RIN3: variants seen among roughly 807,000 people sequenced by gnomAD.
The protein encoded by RIN3 is Ras and Rab interactor 3.
Under a neutral mutation model 76.3 loss-of-function variants are expected in RIN3, and 54 were observed. The ratio of observed to expected loss-of-function variants is 0.71; its 90% CI spans 0.57 to 0.89. The LOEUF is 0.89. Ranked by LOEUF, RIN3 falls within the 40% of genes least tolerant of loss-of-function variation. RIN3 has a pLI of 0.00. For synonymous variants in RIN3, 576 were observed against 564.0 expected (o/e 1.02, Z -0.30); for missense variants, 1,256 against 1,322.1 (o/e 0.95, Z 0.78).
chr14:92,680,785 A>G (rs1888636414), intron 8 of RIN3, among the ~76,000 whole-genome samples: 1 of 152,178 alleles, frequency 6.6e-6, no homozygotes, highest in Non-Finnish European at 1.5e-5. Flanking sequence ...GGACCTTCAA[A>G]TTCTCTCAGC....
At chr14:92,552,076 G>T (rs1275468981) in intron 1 of RIN3, among the ~76,000 whole-genome samples, 1 of 152,186 alleles carries the variant, frequency 6.6e-6, no homozygotes, top group African/African-American at 2.4e-5. Flanking sequence ...CTTTGTAGGG[G>T]GTGTCTGGGG....
chr14:92,646,745 GTGTT>G (rs1212441293), intron 5 of RIN3, among the ~76,000 whole-genome samples: 3 of 152,202 alleles, frequency 2.0e-5, no homozygotes, highest in Non-Finnish European at 4.4e-5. Context: ...CCGGCCATGT[GTGTT>G]TGTTTTTAAC....
intron 1 of RIN3, among the ~76,000 whole-genome samples, chr14:92,539,045 AG>A (rs1897074123): frequency 6.6e-6 from 1 of 151,956 alleles, no homozygotes; most frequent in African/African-American, 2.4e-5. Flanking sequence ...AGGTGTGCTC[AG>A]GGCCTGCCCG....
At chr14:92,631,609 G>A (rs1033676281) in intron 4 of RIN3, among the ~76,000 whole-genome samples, 16 of 151,882 alleles carry the variant, frequency 1.1e-4, no homozygotes, top group Middle Eastern at 3.4e-3. Context: ...TTTTGGCGGC[G>A]GCGGGAGTGG....
chr14:92,651,924 GCAGCC>G lies in RIN3; in HGVS notation c.887_891del (p.Gln296ProfsTer126), dbSNP rs1192141814. The G allele has an allele frequency of 7.4e-6, 10 of 1,344,136 alleles. No individual in the cohort carries two copies. The highest frequency in any genetic ancestry group is 2.2e-5 in the African/African-American group (1 of 45,216). The allele number at this position is 1,344,136 out of a possible 1,614,324, so 83.3% of individuals were successfully genotyped here. On this transcript the variant is annotated frameshift_variant, in exon 6 of 10. Coordinates refer to ENST00000216487, the MANE Select transcript of RIN3 (RefSeq NM_024832.5). LOFTEE classifies it high-confidence loss of function. ...CCCCCAGTGCTGCCCCTGCAGCCCT[GCAGCC>G]CAGCCCAGCCCCCTGTGCTCCCTGC...
intron 7 of RIN3, among the ~76,000 whole-genome samples, chr14:92,661,510 G>C (rs914547402): frequency 6.6e-6 from 1 of 152,148 alleles, no homozygotes; most frequent in Non-Finnish European, 1.5e-5. Context: ...CGGATCACGA[G>C]GTCAGGAGTT....
In RIN3 at chr14:92,685,227, C is replaced by T. The variant is rs775364758; in HGVS notation, c.2631+77C>T. Reference sequence around the variant, plus strand: ...CCCTGCTGCCTGCTGGCTAAGGAGCCGTGACATCACCTGGCTGCTCCAGCC... The same window carrying T: ...CCCTGCTGCCTGCTGGCTAAGGAGCTGTGACATCACCTGGCTGCTCCAGCC... On this transcript the variant is annotated intron_variant, in intron 9 of 9. Transcript: ENST00000216487. The surrounding 1 kb of genome is among the most constrained non-coding windows in gnomAD (Gnocchi z 4.7). 1.2e-5 allele frequency: 17 copies of T among 1,444,924 alleles called. No homozygotes were observed. The highest frequency in any genetic ancestry group is 1.5e-5 in the Non-Finnish European group (16 of 1,076,242). 89.5% of individuals were successfully genotyped at this position (1,444,924 alleles called of 1,614,324 possible). A position where few individuals can be genotyped will look rare whatever the true frequency, so the allele number is the denominator to read the frequency against.
intron 7 of RIN3, among the ~76,000 whole-genome samples, chr14:92,664,566 T>A (rs1452958998): frequency 6.6e-6 from 1 of 151,718 alleles, no homozygotes; most frequent in Non-Finnish European, 1.5e-5. Context: ...GAAACGGGGT[T>A]TCACCGTGTT....
intron 4 of RIN3, among the ~76,000 whole-genome samples, chr14:92,633,831 C>T (rs574205844): frequency 8.6e-5 from 13 of 150,774 alleles, no homozygotes; most frequent in Non-Finnish European, 1.5e-4. Flanking sequence ...GAATAAGTCT[C>T]ATTTTGCTAA....
chr14:92,590,046 T>A (rs1447226492), intron 3 of RIN3, among the ~76,000 whole-genome samples: 1 of 152,158 alleles, frequency 6.6e-6, no homozygotes, highest in Non-Finnish European at 1.5e-5. Flanking sequence ...GGAAACCCAA[T>A]GTGTAACTGA....
intron 1 of RIN3, among the ~76,000 whole-genome samples, chr14:92,531,886 C>G (rs902552993): frequency 8.6e-5 from 13 of 151,836 alleles, no homozygotes; most frequent in African/African-American, 2.2e-4. Flanking sequence ...ACCCCTCCCC[C>G]CAGTAAGCCC....
At chr14:92,639,160 C>T (rs1886888811) in intron 4 of RIN3, among the ~76,000 whole-genome samples, 1 of 152,192 alleles carries the variant, frequency 6.6e-6, no homozygotes, top group Non-Finnish European at 1.5e-5. Flanking sequence ...CAGCCCAGAC[C>T]CGTTCCAGGA....
rs767487146 is a variant in RIN3, at chr14:92,688,292, TCTGGCCCCGCCTCTGGC to T, written c.*41_*57del. The T allele has an allele frequency of 3.8e-5, 56 of 1,476,970 alleles. No homozygotes were observed. Among genetic ancestry groups the T allele is most frequent in the Non-Finnish European group, 4.9e-5 (54 of 1,110,510 alleles). 91.5% of individuals were successfully genotyped at this position (1,476,970 alleles called of 1,614,324 possible). On this transcript the variant is annotated 3_prime_UTR_variant, in exon 10 of 10. Coordinates refer to ENST00000216487, the MANE Select transcript of RIN3 (RefSeq NM_024832.5). ...GCCTCCCCTCACCCCCAGGCGCACG[TCTGGCCCCGCCTCTGGC>T]TGCGCACTCCCGACCGCGACGTCCA...
At chr14:92,678,429 T>C (rs1277136075) in intron 8 of RIN3, among the ~76,000 whole-genome samples, 3 of 127,576 alleles carry the variant, frequency 2.4e-5, no homozygotes, top group East Asian at 2.4e-4. Flanking sequence ...ACATATTCAT[T>C]CACCCATCCA....
At chr14:92,584,308 G>A (rs75599339) in intron 3 of RIN3, among the ~76,000 whole-genome samples, 1,801 of 152,274 alleles carry the variant, frequency 0.012, 29 homozygotes, top group African/African-American at 0.041. Context: ...CATTCAGGCG[G>A]GAAGAGAAAG....
chr14:92,528,408 A>G (rs998278516), intron 1 of RIN3, among the ~76,000 whole-genome samples: 2 of 152,190 alleles, frequency 1.3e-5, no homozygotes, highest in African/African-American at 4.8e-5. Flanking sequence ...TTATCTGTAA[A>G]ATGACAGCCT....
chr14:92,562,016 G>A (rs1052597751), intron 2 of RIN3, among the ~76,000 whole-genome samples: 4 of 151,996 alleles, frequency 2.6e-5, no homozygotes, highest in South Asian at 2.1e-4. Context: ...TCTCTGCTCC[G>A]GGATCCCATC....
chr14:92,660,440 T>G (rs975049324), intron 7 of RIN3, among the ~76,000 whole-genome samples: 5 of 152,108 alleles, frequency 3.3e-5, no homozygotes, highest in African/African-American at 1.2e-4. Flanking sequence ...GGTTGGCTGT[T>G]GGCTGGTCTA....
intron 2 of RIN3, among the ~76,000 whole-genome samples, chr14:92,567,331 T>C (rs772994508): frequency 6.6e-6 from 1 of 152,210 alleles, no homozygotes; most frequent in Non-Finnish European, 1.5e-5. Flanking sequence ...TTATATTTGC[T>C]CACAATTCTA....
Sources: allele counts gnomAD v4.1 joint callset (sites outside exome capture counted in the v4.1 genomes callset), GRCh38; gene constraint gnomAD v4.1.1; non-coding constraint Gnocchi (gnomAD v3.1); transcripts MANE v1.5; gene names NCBI Gene and HGNC (gene_info 2026-07-23, HGNC 2026-07-21).